The following ADARB2 variants were observed in gnomAD, a reference collection of about 807,000 sequenced individuals.
ADARB2 encodes the protein adenosine deaminase RNA specific B2 (inactive).
A neutral mutation model predicts 62.2 loss-of-function variants in ADARB2; 25 were observed. The observed-to-expected ratio is 0.40, with a 90% confidence interval of 0.29 to 0.56. The LOEUF (loss-of-function observed/expected upper bound fraction) is 0.56. ADARB2 is among the 20% of genes least tolerant of loss of function. The probability of loss-of-function intolerance (pLI) is 0.43; values close to 1 mark genes in which losing one functional copy is unlikely to be tolerated. For missense variants in ADARB2, 1,071 were observed against 1,077.4 expected (o/e 0.99, Z 0.08); for synonymous variants, 572 against 500.8 (o/e 1.14, Z -1.90).
chr10:1,406,749 C>T (rs906679375), intron 1 of ADARB2, among the ~76,000 whole-genome samples: 2 of 152,168 alleles, frequency 1.3e-5, no homozygotes, highest in African/African-American at 4.8e-5. Flanking sequence ...CCCACGGGTT[C>T]GATGACACCA....
At chr10:1,408,169 G>A (rs1305825396) in intron 1 of ADARB2, among the ~76,000 whole-genome samples, 2 of 152,138 alleles carry the variant, frequency 1.3e-5, no homozygotes, top group Admixed American at 1.3e-4. Flanking sequence ...GCTTTACATG[G>A]TTTGGCAATC....
In ADARB2 at chr10:1,737,227, C is replaced by A; in HGVS notation, c.-77G>T. The A allele has an allele frequency of 1.3e-6, 2 of 1,488,810 alleles. No individual in the cohort carries two copies. The highest frequency in any genetic ancestry group is 1.8e-6 in the Non-Finnish European group (2 of 1,082,468). The allele number at this position is 1,488,810 out of a possible 1,614,324, so 92.2% of individuals were successfully genotyped here. A position where few individuals can be genotyped will look rare whatever the true frequency, so the allele number is the denominator to read the frequency against. On this transcript the variant is annotated 5_prime_UTR_variant, in exon 1 of 10. Coordinates refer to ENST00000381312, the MANE Select transcript of ADARB2 (RefSeq NM_018702.4). ...CTGCCTCCTTCCCGGCAGCCGCCGC[C>A]GCCGCTGCTGCGAAGCTTGAGGTTG...
chr10:1,379,320 C>T (rs534472855), intron 1 of ADARB2, among the ~76,000 whole-genome samples, 160 bp from the exon 2 acceptor site: 66 of 152,236 alleles, frequency 4.3e-4, no homozygotes, highest in African/African-American at 1.2e-3. Context: ...GAATATCTGA[C>T]AGCATTTTAT....
intron 3 of ADARB2, among the ~76,000 whole-genome samples, chr10:1,275,174 C>T (rs1443230422): frequency 1.3e-5 from 2 of 152,246 alleles, no homozygotes; most frequent in African/African-American, 4.8e-5. Flanking sequence ...ATGAAGGCCT[C>T]CTTGACTCAC....
At chr10:1,412,450 TTTA>T (rs907515162) in intron 1 of ADARB2, among the ~76,000 whole-genome samples, 25 of 152,248 alleles carry the variant, frequency 1.6e-4, no homozygotes, top group African/African-American at 5.8e-4. Context: ...AGGTTGTGAC[TTTA>T]TTATTATTAT....
chr10:1,617,978 T>C (rs1279463045), intron 1 of ADARB2, among the ~76,000 whole-genome samples: 1 of 152,238 alleles, frequency 6.6e-6, no homozygotes, highest in Non-Finnish European at 1.5e-5. Flanking sequence ...TGAATTGCTG[T>C]CCACTTTTTT....
chr10:1,337,116 C>T, intron 3 of ADARB2, among the ~76,000 whole-genome samples: 1 of 148,994 alleles, frequency 6.7e-6, no homozygotes, highest in East Asian at 2.0e-4. Context: ...CAAGAATGAA[C>T]TTTTCCAAAG....
intron 1 of ADARB2, among the ~76,000 whole-genome samples, chr10:1,664,605 A>G (rs1284707249): frequency 1.3e-5 from 2 of 152,158 alleles, no homozygotes; most frequent in African/African-American, 4.8e-5. Context: ...TGTGCTGGGC[A>G]TCTCTCATGT....
At chr10:1,185,378 T>C (rs1034779895) in intron 8 of ADARB2, among the ~76,000 whole-genome samples, 2 of 152,244 alleles carry the variant, frequency 1.3e-5, no homozygotes, top group South Asian at 2.1e-4. Context: ...GGAAGTGATC[T>C]GAGAGTGTGT....
chr10:1,188,601 C>G (rs1215254896), intron 8 of ADARB2, among the ~76,000 whole-genome samples: 1 of 131,172 alleles, frequency 7.6e-6, no homozygotes. Context: ...TTTTTTTTTT[C>G]TTCTACCTTC....
intron 1 of ADARB2, among the ~76,000 whole-genome samples, chr10:1,628,332 C>T (rs1217297710): frequency 6.6e-6 from 1 of 152,224 alleles, no homozygotes; most frequent in African/African-American, 2.4e-5. Context: ...CGATGTTAGG[C>T]TGCGTTACGA....
chr10:1,501,890 T>G (rs1373776493), intron 1 of ADARB2, among the ~76,000 whole-genome samples: 1 of 152,248 alleles, frequency 6.6e-6, no homozygotes, highest in Non-Finnish European at 1.5e-5. Context: ...ATTAATCAAC[T>G]GGGCAGAGGA....
chr10:1,554,606 C>T (rs946906109), intron 1 of ADARB2, among the ~76,000 whole-genome samples: 1 of 152,158 alleles, frequency 6.6e-6, no homozygotes, highest in African/African-American at 2.4e-5. Flanking sequence ...TTCCCCACAG[C>T]CCCCAACGGT....
chr10:1,404,308 C>A (rs1019065181), intron 1 of ADARB2, among the ~76,000 whole-genome samples: 9 of 152,198 alleles, frequency 5.9e-5, no homozygotes, highest in African/African-American at 1.9e-4. Context: ...GATGCCCAGG[C>A]TGGTCTCGCA....
intron 1 of ADARB2, among the ~76,000 whole-genome samples, chr10:1,616,864 G>A (rs540858113): frequency 1.4e-5 from 2 of 147,496 alleles, no homozygotes; most frequent in East Asian, 4.1e-4. Context: ...GCTGTGCTCT[G>A]CATCCTGGGA....
intron 1 of ADARB2, among the ~76,000 whole-genome samples, chr10:1,461,643 G>A (rs11250534): frequency 0.41 from 62,906 of 151,760 alleles, 13,678 homozygotes; most frequent in African/African-American, 0.54. Flanking sequence ...CAATTAAGCT[G>A]CCAGGTGAGT....
chr10:1,189,125 C>T (rs1316967105), intron 8 of ADARB2, among the ~76,000 whole-genome samples: 1 of 152,156 alleles, frequency 6.6e-6, no homozygotes, highest in Non-Finnish European at 1.5e-5. Flanking sequence ...CTCCTGAGGA[C>T]ACTCCAGCAT....
intron 1 of ADARB2, among the ~76,000 whole-genome samples, chr10:1,494,948 A>C (rs1362340495): frequency 2.0e-5 from 3 of 152,184 alleles, no homozygotes; most frequent in African/African-American, 7.2e-5. Context: ...TAAAAACATA[A>C]AAGATTTAAA....
chr10:1,659,971 GT>G (rs1272565338), intron 1 of ADARB2, among the ~76,000 whole-genome samples: 1 of 151,210 alleles, frequency 6.6e-6, no homozygotes, highest in African/African-American at 2.4e-5. Flanking sequence ...CTGCTTCTGG[GT>G]TCATCTGCCT....
Sources: allele counts gnomAD v4.1 joint callset (sites outside exome capture counted in the v4.1 genomes callset), GRCh38; gene constraint gnomAD v4.1.1; transcripts MANE v1.5; gene names NCBI Gene and HGNC (gene_info 2026-07-23, HGNC 2026-07-21).